IYD: variants seen among roughly 807,000 people sequenced by gnomAD.
The protein encoded by IYD is iodotyrosine deiodinase 1.
Under a neutral mutation model 28.4 loss-of-function variants are expected in IYD, and 25 were observed. The ratio of observed to expected loss-of-function variants is 0.88; its 90% confidence interval spans 0.64 to 1.23. The LOEUF (loss-of-function observed/expected upper bound fraction) is 1.23, where lower values mean the gene tolerates loss of function less well. Among genes scored for constraint, IYD ranks in the 50% most tolerant of loss-of-function variants. IYD has a pLI of 0.00. For missense variants in IYD, 352 were observed against 357.9 expected, an observed-to-expected ratio of 0.98 and a Z score of 0.13; for synonymous variants, 140 against 130.8, an observed-to-expected ratio of 1.07 and a Z score of -0.48.
At position 150,398,401 on chromosome 6, in the gene IYD, G is replaced by T. The variant is rs1778407000; in HGVS notation, c.*164G>T. The T allele has an allele frequency of 3.2e-6, 2 of 633,166 alleles. No homozygotes were observed. Among genetic ancestry groups the T allele is most frequent in the Non-Finnish European group, 5.6e-6 (2 of 358,816 alleles). 39.2% of individuals were successfully genotyped at this position (633,166 alleles called of 1,614,324 possible). A position where few individuals can be genotyped will look rare whatever the true frequency, so the allele number is the denominator to read the frequency against. On this transcript the variant is annotated 3_prime_UTR_variant, in exon 5 of 5. Coordinates refer to ENST00000344419, the MANE Select transcript of IYD (RefSeq NM_203395.3). ...ATGTCAAGAAGCCTCTCCACACTCT[G>T]TGGCACTTCCAGTCCCATAAATCCT...
chr6:150,389,977 C>T (rs985837539), intron 2 of IYD, among the ~76,000 whole-genome samples: 3 of 152,008 alleles, frequency 2.0e-5, no homozygotes, highest in African/African-American at 7.2e-5. Context: ...TGCTGTAGTA[C>T]AGTATTCTCA....
chr6:150,398,117 C>T lies in IYD; in HGVS notation c.750C>T (p.Leu250=), dbSNP rs767052537. ...ACTGTGGCCCTCGACTGAGGGTGCTCCTGGGCCGCCCCGCACATGAAAAGC... is the reference window on the plus strand; with the variant it reads ...ACTGTGGCCCTCGACTGAGGGTGCTTCTGGGCCGCCCCGCACATGAAAAGC... ...PLNCGPRLRV[L]LGRPAHEKLL... is the part of the protein sequence containing the mutation. The change falls in exon 5 of 5, where the codon CTC becomes CTT. Residue 250 remains leucine (L), a synonymous_variant. Transcript: ENST00000344419. 6.2e-7 allele frequency: 1 copy of T among 1,614,184 alleles called. No homozygotes were observed. Among genetic ancestry groups the T allele is most frequent in the Non-Finnish European group, 8.5e-7 (1 of 1,180,032 alleles).
intron 1 of IYD, among the ~76,000 whole-genome samples, chr6:150,374,194 G>A (rs1777364988): frequency 6.6e-6 from 1 of 152,188 alleles, no homozygotes; most frequent in African/African-American, 2.4e-5. Context: ...TAACAGAAAA[G>A]TATACATGTT....
intron 3 of IYD, among the ~76,000 whole-genome samples, chr6:150,393,233 G>A (rs1018419342): frequency 6.6e-5 from 10 of 152,218 alleles, no homozygotes; most frequent in African/African-American, 2.4e-4. Flanking sequence ...ACAGCTCCAG[G>A]GGAGGCCAAG....
chr6:150,398,186 G>A lies in IYD; in HGVS notation c.819G>A (p.Thr273=), dbSNP rs368233638. 6.2e-6 allele frequency: 10 copies of A among 1,613,998 alleles called. No individual in the cohort carries two copies. Among genetic ancestry groups the A allele is most frequent in the South Asian group, 3.3e-5 (3 of 91,068 alleles). The change falls in exon 5 of 5, where the codon ACG becomes ACA. Residue 273 remains threonine (T), a synonymous_variant. Coordinates refer to ENST00000344419, the MANE Select transcript of IYD (RefSeq NM_203395.3). ...LPVGYPSKEA[T]VPDLKRKPLD... Reference sequence around the variant, plus strand: ...TGGGGTACCCCAGCAAGGAGGCCACGGTGCCTGACCTCAAGCGCAAACCTC... The same window carrying A: ...TGGGGTACCCCAGCAAGGAGGCCACAGTGCCTGACCTCAAGCGCAAACCTC...
intron 1 of IYD, among the ~76,000 whole-genome samples, chr6:150,377,495 G>A (rs79167151): frequency 0.019 from 2,927 of 152,284 alleles, 97 homozygotes; most frequent in African/African-American, 0.067. Flanking sequence ...GCACTGCTCC[G>A]AGAGTGCACT....
At chr6:150,377,424 C>A (rs1218815047) in intron 1 of IYD, among the ~76,000 whole-genome samples, 4 of 152,132 alleles carry the variant, frequency 2.6e-5, no homozygotes, top group South Asian at 2.1e-4. Flanking sequence ...TAGTCTCATT[C>A]CCCAGCCATA....
At position 150,401,700 on chromosome 6, in the gene IYD, G is replaced by A. The variant is rs139522392; in HGVS notation, c.*3463G>A. On this transcript the variant is annotated 3_prime_UTR_variant, in exon 5 of 5. Coordinates refer to ENST00000344419, the MANE Select transcript of IYD (RefSeq NM_203395.3). ...GTGTTCAAAGTTAGAAATAGTGGTC[G>A]GGGAGGCTTATAGATCCTCTTGCTG... is the stretch of plus-strand genomic sequence containing the variant. 2 of 152,250 alleles carry A rather than the reference G, an allele frequency of 1.3e-5. No individual in the cohort carries two copies. Among genetic ancestry groups the A allele is most frequent in the South Asian group, 2.1e-4 (1 of 4,818 alleles). 9.4% of individuals were successfully genotyped at this position (152,250 alleles called of 1,614,324 possible). A position where few individuals can be genotyped will look rare whatever the true frequency, so the allele number is the denominator to read the frequency against.
intron 4 of IYD, chr6:150,395,624 T>C (rs1778284634): frequency 3.0e-6 from 4 of 1,331,610 alleles, no homozygotes; most frequent in East Asian, 2.5e-5. Context: ...GCCCCCTAGC[T>C]TTCATAAGGC....
chr6:150,370,903 C>T (rs1777217064), intron 1 of IYD, among the ~76,000 whole-genome samples: 1 of 152,188 alleles, frequency 6.6e-6, no homozygotes, highest in African/African-American at 2.4e-5. Context: ...TGTTTGATTT[C>T]AGACGACAGT....
At position 150,392,361 on chromosome 6, in the gene IYD, G is replaced by T. The variant is rs1021524562; in HGVS notation, c.387G>T (p.Gly129=). The change falls in exon 3 of 5, where the codon GGG becomes GGT. Residue 129 remains glycine, a synonymous_variant. Coordinates refer to ENST00000344419, the MANE Select transcript of IYD (RefSeq NM_203395.3). The part of the protein sequence containing the change: ...VIRTAGTAPS[G]AHTEPWTFVV... ...GGGTGACAGGAACAGCCCCGAGTGGGGCTCACACAGAGCCCTGGACCTTCG... is the reference window on the plus strand; with the variant it reads ...GGGTGACAGGAACAGCCCCGAGTGGTGCTCACACAGAGCCCTGGACCTTCG... 1.2e-6 allele frequency: 2 copies of T among 1,613,470 alleles called. No individual in the cohort carries two copies. The highest frequency in any genetic ancestry group is 3.3e-5 in the Admixed American group (2 of 60,014).
chr6:150,373,396 C>A (rs1490614404), intron 1 of IYD, among the ~76,000 whole-genome samples: 1 of 152,276 alleles, frequency 6.6e-6, no homozygotes, highest in South Asian at 2.1e-4. Context: ...TGAAAGCCAG[C>A]CAACCAGGGG....
intron 1 of IYD, chr6:150,370,425 G>C (rs1483693413): frequency 2.9e-6 from 2 of 690,852 alleles, no homozygotes; most frequent in Non-Finnish European, 3.5e-6. Flanking sequence ...GTGCGCATGA[G>C]TGTGTTTGTG....
intron 4 of IYD, among the ~76,000 whole-genome samples, chr6:150,397,297 G>A (rs1778357443): frequency 6.6e-6 from 1 of 152,102 alleles, no homozygotes; most frequent in African/African-American, 2.4e-5. Flanking sequence ...GGCCAGGTAT[G>A]GTGGCTCACA....
chr6:150,379,769 A>T (rs1256179971), intron 1 of IYD, among the ~76,000 whole-genome samples: 1 of 152,180 alleles, frequency 6.6e-6, no homozygotes, highest in African/African-American at 2.4e-5. Context: ...CTCAGGTCCC[A>T]TTCAATTCCC....
intron 4 of IYD, chr6:150,396,489 A>T: frequency 1.4e-6 from 1 of 700,102 alleles, no homozygotes; most frequent in Admixed American, 2.0e-5. Context: ...TGCTAGAGAC[A>T]TACAAAATTC....
At chr6:150,370,728 G>A in intron 1 of IYD, 1 of 907,114 alleles carries the variant, frequency 1.1e-6, no homozygotes, top group Non-Finnish European at 1.3e-6. Flanking sequence ...GCAGTGGAAG[G>A]CGTGGATCAG....
Position 150,399,159 on chromosome 6 carries a change from G to C in IYD, c.*922G>C, listed in dbSNP as rs547641965. ...GGTCAGTTGCACTGCCTAGTGGTTT[G>C]GTAGATCTGACTTGTAAGCAGTTCA... On this transcript the variant is annotated 3_prime_UTR_variant, in exon 5 of 5. Coordinates refer to ENST00000344419, the MANE Select transcript of IYD (RefSeq NM_203395.3). The C allele has an allele frequency of 6.6e-6, 1 of 152,356 alleles. No homozygotes were observed. The highest frequency in any genetic ancestry group is 2.1e-4 in the South Asian group (1 of 4,824). 9.4% of individuals were successfully genotyped at this position (152,356 alleles called of 1,614,324 possible).
At chr6:150,385,669 A>C (rs890876155) in intron 1 of IYD, among the ~76,000 whole-genome samples, 1 of 151,800 alleles carries the variant, frequency 6.6e-6, no homozygotes, top group African/African-American at 2.4e-5. Context: ...TGTTCTCTTA[A>C]TGCCCTACTT....
Sources: gnomAD v4.1 joint callset for allele counts (sites outside exome capture counted in the v4.1 genomes callset) on GRCh38, gnomAD v4.1.1 for gene constraint, MANE v1.5 for transcripts, NCBI Gene and HGNC (gene_info 2026-07-23, HGNC 2026-07-21) for gene names.